CSNK1G1: variants seen among roughly 807,000 people sequenced by gnomAD.
The protein encoded by CSNK1G1 is casein kinase 1 gamma 1, also known as casein kinase I isoform gamma-1.
Under a neutral mutation model 59.6 loss-of-function variants are expected in CSNK1G1, and 22 were observed. That is an observed-to-expected ratio of 0.37 (90% CI 0.26 to 0.53). The LOEUF is 0.53. CSNK1G1 is among the 20% of genes least tolerant of loss of function. The probability of loss-of-function intolerance (pLI) is 0.89; values close to 1 mark genes in which losing one functional copy is unlikely to be tolerated. For synonymous variants in CSNK1G1, 179 were observed against 177.1 expected (o/e 1.01, Z -0.08); for missense variants, 384 against 519.5 (o/e 0.74, Z 2.54).
Position 64,210,047 on chromosome 15 carries a change from G to A in CSNK1G1, c.680-2453C>T, listed in dbSNP as rs2082231239. Among the ~76,000 whole-genome samples the A allele has an allele frequency of 2.0e-5, 3 of 152,136 alleles. No homozygotes were observed. In the South Asian group the frequency reaches 6.2e-4, roughly 32 times the overall value. On this transcript the variant is annotated intron_variant, in intron 6 of 11. Transcript: ENST00000303052. The surrounding 1 kb of genome is among the most constrained non-coding windows in gnomAD (Gnocchi z 4.2). ...GTAATAAAGTAACTTTTCAAATCCT[G>A]AGAACTATGAAAAAGAACTATAGAA...
intron 1 of CSNK1G1, among the ~76,000 whole-genome samples, chr15:64,314,329 CATTT>C: frequency 6.6e-6 from 1 of 152,032 alleles, no homozygotes; most frequent in South Asian, 2.1e-4. Context: ...TTAGAAGACA[CATTT>C]ATTTTTTAAA....
chr15:64,199,152 A>G (rs142704565), intron 10 of CSNK1G1, among the ~76,000 whole-genome samples: 2 of 150,336 alleles, frequency 1.3e-5, no homozygotes, highest in Non-Finnish European at 3.0e-5. Flanking sequence ...TCAGGAGGCT[A>G]AGGTGGAAGG....
intron 10 of CSNK1G1, among the ~76,000 whole-genome samples, chr15:64,202,219 G>A (rs2082118051): frequency 6.6e-6 from 1 of 152,138 alleles, no homozygotes; most frequent in African/African-American, 2.4e-5. Flanking sequence ...CCGGGTAGAA[G>A]AACAAGGGGT....
chr15:64,295,989 T>C (rs1416218935), intron 2 of CSNK1G1, among the ~76,000 whole-genome samples: 1 of 152,206 alleles, frequency 6.6e-6, no homozygotes, highest in East Asian at 1.9e-4. Flanking sequence ...TTGCACAGTA[T>C]CTAGTGATTG....
intron 2 of CSNK1G1, among the ~76,000 whole-genome samples, chr15:64,270,617 G>A (rs1180165887): frequency 1.3e-5 from 2 of 151,966 alleles, no homozygotes; most frequent in Non-Finnish European, 2.9e-5. Context: ...AAAATTAGCC[G>A]GGCGTGGTGG....
chr15:64,176,170 A>T lies in CSNK1G1; in HGVS notation c.1214+4178T>A, dbSNP rs533915199. 2 of 398,626 alleles carry T rather than the reference A, an allele frequency of 5.0e-6. No homozygotes were observed. The highest frequency in any genetic ancestry group is 2.6e-4 in the South Asian group (2 of 7,826). 24.7% of individuals were successfully genotyped at this position (398,626 alleles called of 1,614,324 possible). ...TGGCACAAGGAGTCCTATGGAAGCTATTTAATGTTCCTAAGGCATTTTGTT... is the reference window on the plus strand; with the variant it reads ...TGGCACAAGGAGTCCTATGGAAGCTTTTTAATGTTCCTAAGGCATTTTGTT... On this transcript the variant is annotated intron_variant, in intron 11 of 11. Transcript: ENST00000303052. This position sits in a 1 kb window ranked among gnomAD's most constrained non-coding sequence, Gnocchi z 5.2.
chr15:64,284,566 G>T (rs991646792), intron 2 of CSNK1G1, among the ~76,000 whole-genome samples: 1 of 151,756 alleles, frequency 6.6e-6, no homozygotes, highest in African/African-American at 2.4e-5. Context: ...TTTTATTCTT[G>T]ATGCTAATGT....
intron 1 of CSNK1G1, among the ~76,000 whole-genome samples, chr15:64,329,202 C>G (rs1487571922): frequency 2.0e-5 from 3 of 152,094 alleles, no homozygotes; most frequent in African/African-American, 7.2e-5. Context: ...ACTCTCCATC[C>G]CAAATCAACA....
At chr15:64,257,427 T>C (rs891475345) in intron 3 of CSNK1G1, among the ~76,000 whole-genome samples, 1 of 152,078 alleles carries the variant, frequency 6.6e-6, no homozygotes, top group African/African-American at 2.4e-5. Context: ...TTATTCCAAC[T>C]TATCAGAATA....
intron 2 of CSNK1G1, among the ~76,000 whole-genome samples, chr15:64,289,451 T>A (rs1291069408): frequency 6.6e-6 from 1 of 152,230 alleles, no homozygotes; most frequent in Non-Finnish European, 1.5e-5. Flanking sequence ...TAACAAATTG[T>A]GCTTAAGTTA....
intron 1 of CSNK1G1, among the ~76,000 whole-genome samples, chr15:64,322,093 A>G (rs180906328): frequency 2.0e-5 from 3 of 152,098 alleles, no homozygotes; most frequent in Non-Finnish European, 2.9e-5. Flanking sequence ...CTCATGGAGC[A>G]TAAGTAGTAA....
At chr15:64,208,842 T>C (rs769554650) in intron 6 of CSNK1G1, among the ~76,000 whole-genome samples, 3 of 152,126 alleles carry the variant, frequency 2.0e-5, no homozygotes, top group Non-Finnish European at 4.4e-5. Flanking sequence ...AGTCCATGCA[T>C]TCATTTTGAA....
intron 1 of CSNK1G1, among the ~76,000 whole-genome samples, chr15:64,340,712 G>T (rs994999371): frequency 3.9e-5 from 6 of 152,150 alleles, no homozygotes; most frequent in African/African-American, 1.4e-4. Context: ...CCAGCACTTT[G>T]GGGGGCCGAG....
chr15:64,286,192 G>A (rs1455347525), intron 2 of CSNK1G1, among the ~76,000 whole-genome samples: 1 of 152,084 alleles, frequency 6.6e-6, no homozygotes, highest in Non-Finnish European at 1.5e-5. Context: ...AACTCAGAGT[G>A]TCTTATTTGT....
In CSNK1G1 at chr15:64,203,692, CGT is replaced by C. The variant is rs2082139000; in HGVS notation, c.1000-505_1000-504del. Among the ~76,000 whole-genome samples, 3 of 95,876 alleles carry C rather than the reference CGT, an allele frequency of 3.1e-5. 1 individual carries two copies. The South Asian group carries it at 9.5e-4, about 30-fold the overall frequency. The allele number at this position is 95,876 out of a possible 152,430, so 62.9% of individuals were successfully genotyped here. ...AGCCTGGGCAACAAGAGTGAAACTC[CGT>C]AAAAAAAAAAAAAAAAAAAAAAAAA... On this transcript the variant is annotated intron_variant, in intron 9 of 11. Transcript: ENST00000303052.
At chr15:64,278,430 A>ATTT (rs1457957653) in intron 2 of CSNK1G1, among the ~76,000 whole-genome samples, 138 of 121,018 alleles carry the variant, frequency 1.1e-3, no homozygotes, top group African/African-American at 2.9e-3. Context: ...ATATATATAT[A>ATTT]TATTTTTTTT....
At chr15:64,353,305 A>G (rs1898419874) in intron 1 of CSNK1G1, among the ~76,000 whole-genome samples, 1 of 152,218 alleles carries the variant, frequency 6.6e-6, no homozygotes, top group African/African-American at 2.4e-5. Context: ...TCTGACATAT[A>G]ATAGGTGACA....
chr15:64,317,222 G>A lies in CSNK1G1; in HGVS notation c.-224-16499C>T, dbSNP rs187711858. Among the ~76,000 whole-genome samples, 11 of 152,200 alleles carry A rather than the reference G, an allele frequency of 7.2e-5. No homozygotes were observed. The East Asian group carries it at 9.6e-4, about 13-fold the overall frequency. ...TCCTGCTTCAGCCTCCTATGTAGCC[G>A]GGATTACAGGTGTGCGCCACTACGC... On this transcript the variant is annotated intron_variant, in intron 1 of 11. Transcript: ENST00000303052.
intron 1 of CSNK1G1, among the ~76,000 whole-genome samples, chr15:64,327,470 G>A (rs1032464840): frequency 1.0e-4 from 15 of 148,644 alleles, no homozygotes; most frequent in Non-Finnish European, 2.2e-4. Context: ...GGTCCTGTCT[G>A]TTAGAAGGAA....
Sources: allele counts gnomAD v4.1 joint callset (sites outside exome capture counted in the v4.1 genomes callset), GRCh38; gene constraint gnomAD v4.1.1; non-coding constraint Gnocchi (gnomAD v3.1); transcripts MANE v1.5; gene names NCBI Gene and HGNC (gene_info 2026-07-23, HGNC 2026-07-21).